RYR3: variants seen among roughly 807,000 people sequenced by gnomAD.
RYR3 encodes the protein ryanodine receptor 3.
A neutral mutation model predicts 584.3 loss-of-function variants in RYR3; 207 were observed. The observed-to-expected ratio is 0.35, with a 90% CI of 0.32 to 0.40. RYR3 has a LOEUF of 0.40. Ranked by LOEUF, RYR3 falls within the 10% of genes least tolerant of loss-of-function variation. RYR3 has a pLI of 1.00. For synonymous variants in RYR3, 2,416 were observed against 2,248.5 expected, an observed-to-expected ratio of 1.07 and a Z score of -2.11; for missense variants, 5,616 against 6,089.2, an observed-to-expected ratio of 0.92 and a Z score of 2.59.
At chr15:33,314,166 C>T (rs995233505) in intron 1 of RYR3, among the ~76,000 whole-genome samples, 2 of 152,264 alleles carry the variant, frequency 1.3e-5, no homozygotes, top group Non-Finnish European at 2.9e-5. Flanking sequence ...AACTATATAC[C>T]CTCTTCTGGC....
chr15:33,741,568 A>G (rs1174636050), intron 51 of RYR3, among the ~76,000 whole-genome samples: 2 of 152,150 alleles, frequency 1.3e-5, no homozygotes, highest in Non-Finnish European at 2.9e-5. Context: ...AAACAGAAAT[A>G]GCAGGTGTCT....
At chr15:33,528,594 G>A (rs1042727303) in intron 3 of RYR3, among the ~76,000 whole-genome samples, 1 of 152,172 alleles carries the variant, frequency 6.6e-6, no homozygotes, top group African/African-American at 2.4e-5. Context: ...CAGAAAAGGA[G>A]ACAGTATAGC....
In RYR3 at chr15:33,533,412, C is replaced by G. The variant is rs1213556978; in HGVS notation, c.433+23C>G. The G allele has an allele frequency of 3.9e-6, 6 of 1,557,040 alleles. No individual in the cohort carries two copies. The Admixed American group carries it at 1.1e-4, about 27-fold the overall frequency. On this transcript the variant is annotated intron_variant, in intron 5 of 103. Coordinates refer to ENST00000634891, the MANE Select transcript of RYR3 (RefSeq NM_001036.6). ...CAGGTGAGTCAGCATTCCCAGATCT[C>G]TTGAGCTCAGCGGGGGTCTTGGGCT...
rs764178862 is a variant in RYR3, at chr15:33,772,181, G to A, written c.9055+23G>A. The A allele has an allele frequency of 6.2e-5, 93 of 1,488,138 alleles. No homozygotes were observed. In the East Asian group the frequency reaches 9.3e-4, roughly 15 times the overall value. The allele number at this position is 1,488,138 out of a possible 1,614,324, so 92.2% of individuals were successfully genotyped here. A position where few individuals can be genotyped will look rare whatever the true frequency, so the allele number is the denominator to read the frequency against. On this transcript the variant is annotated intron_variant, in intron 63 of 103. Coordinates refer to ENST00000634891, the MANE Select transcript of RYR3 (RefSeq NM_001036.6). ...TCTGTGAGTTCTACTGGTATTTGTC[G>A]TGGATGTATGTGCACATGGCCCCAG... is the stretch of plus-strand genomic sequence containing the variant.
intron 70 of RYR3, 21 bp from the exon 71 acceptor site, chr15:33,810,458 T>A (rs2076462480): frequency 1.9e-6 from 3 of 1,613,356 alleles, no homozygotes; most frequent in Admixed American, 3.3e-5. Flanking sequence ...CCTCTCTGTT[T>A]ATTTCAACAT....
intron 39 of RYR3, among the ~76,000 whole-genome samples, chr15:33,697,444 C>A (rs2065928638): frequency 6.6e-6 from 1 of 152,180 alleles, no homozygotes; most frequent in African/African-American, 2.4e-5. Flanking sequence ...CAAGGGAGTA[C>A]ACAGCAAATT....
intron 13 of RYR3, 115 bp downstream of exon 13, chr15:33,580,259 A>AC: frequency 1.2e-6 from 1 of 860,334 alleles, no homozygotes; most frequent in East Asian, 2.8e-5. Flanking sequence ...GAGCCAGAGG[A>AC]CAAGAGAGAT....
chr15:33,663,827 G>A, intron 36 of RYR3, 90 bp downstream of exon 36: 4 of 1,142,410 alleles, frequency 3.5e-6, no homozygotes, highest in South Asian at 1.5e-5. Flanking sequence ...TGGTCTCTGG[G>A]GCAGCCTCAA....
intron 1 of RYR3, among the ~76,000 whole-genome samples, chr15:33,365,701 A>G (rs937084929): frequency 2.6e-5 from 4 of 152,228 alleles, no homozygotes; most frequent in Admixed American, 6.5e-5. Flanking sequence ...TATTCTTACT[A>G]TGCAAATAAA....
chr15:33,534,568 G>A (rs1039734672), intron 5 of RYR3, among the ~76,000 whole-genome samples: 7 of 152,084 alleles, frequency 4.6e-5, no homozygotes, highest in Admixed American at 6.5e-5. Context: ...GGTGGGTGCT[G>A]AAAATGCTGA....
chr15:33,365,014 A>G (rs962544508), intron 1 of RYR3, among the ~76,000 whole-genome samples: 8 of 152,228 alleles, frequency 5.3e-5, no homozygotes, highest in Non-Finnish European at 1.0e-4. Flanking sequence ...CATACTGAAG[A>G]TGGACAGAGG....
chr15:33,686,893 A>G (rs2065049906), intron 38 of RYR3, among the ~76,000 whole-genome samples: 1 of 152,252 alleles, frequency 6.6e-6, no homozygotes, highest in Non-Finnish European at 1.5e-5. Flanking sequence ...AAAACTCTCA[A>G]TAAACTAGGT....
At chr15:33,565,414 G>A (rs1295943140) in intron 11 of RYR3, among the ~76,000 whole-genome samples, 1 of 152,096 alleles carries the variant, frequency 6.6e-6, no homozygotes, top group Non-Finnish European at 1.5e-5. Flanking sequence ...TAGATGGGAT[G>A]CAAAGTCTTG....
intron 91 of RYR3, among the ~76,000 whole-genome samples, chr15:33,843,039 G>A (rs991404897): frequency 2.6e-5 from 4 of 151,772 alleles, no homozygotes; most frequent in African/African-American, 9.7e-5. Flanking sequence ...GCCAGGGTTG[G>A]CCGGGCACGG....
chr15:33,713,060 G>A (rs1293378025), intron 43 of RYR3, among the ~76,000 whole-genome samples: 1 of 152,182 alleles, frequency 6.6e-6, no homozygotes, highest in Admixed American at 6.5e-5. Flanking sequence ...GAATCTCAAA[G>A]CCCTTTATAA....
At chr15:33,746,527 G>C (rs2070732833) in intron 53 of RYR3, among the ~76,000 whole-genome samples, 1 of 152,128 alleles carries the variant, frequency 6.6e-6, no homozygotes, top group African/African-American at 2.4e-5. Flanking sequence ...GGCCGGGTGT[G>C]GTGGCTCATG....
intron 85 of RYR3, among the ~76,000 whole-genome samples, chr15:33,827,553 A>C (rs567258050): frequency 2.7e-4 from 41 of 152,344 alleles, no homozygotes; most frequent in Admixed American, 1.8e-3. Context: ...CTGTGTTGCT[A>C]TAAAACAACC....
chr15:33,585,043 A>G (rs1350635963), intron 15 of RYR3, among the ~76,000 whole-genome samples: 1 of 152,092 alleles, frequency 6.6e-6, no homozygotes, highest in African/African-American at 2.4e-5. Context: ...GGAAGTGACC[A>G]TGCTGCAGGG....
At chr15:33,483,872 A>G (rs2050183653) in intron 2 of RYR3, among the ~76,000 whole-genome samples, 1 of 152,138 alleles carries the variant, frequency 6.6e-6, no homozygotes, top group Non-Finnish European at 1.5e-5. Context: ...TACTTCCTAG[A>G]AGCCTTTTTC....
Sources: allele counts gnomAD v4.1 joint callset (sites outside exome capture counted in the v4.1 genomes callset), GRCh38; gene constraint gnomAD v4.1.1; transcripts MANE v1.5; gene names NCBI Gene and HGNC (gene_info 2026-07-23, HGNC 2026-07-21).